NALF1: variants seen among roughly 807,000 people sequenced by gnomAD.
NALF1 encodes the protein NALCN channel auxiliary factor 1.
In NALF1, 3 loss-of-function variants were observed where a neutral mutation model predicts 48.4. That is an observed-to-expected ratio of 0.06 (90% CI 0.03 to 0.16). The LOEUF (loss-of-function observed/expected upper bound fraction) is 0.16. NALF1 is among the 10% of genes least tolerant of loss of function. NALF1 has a pLI of 1.00. For missense variants in NALF1, 526 were observed against 571.5 expected, an observed-to-expected ratio of 0.92 and a Z score of 0.81; for synonymous variants, 262 against 245.7, an observed-to-expected ratio of 1.07 and a Z score of -0.62.
intron 1 of NALF1, among the ~76,000 whole-genome samples, chr13:107,765,943 C>T (rs1379138705): frequency 6.6e-6 from 1 of 152,056 alleles, no homozygotes; most frequent in East Asian, 1.9e-4. Flanking sequence ...TTTTAAATTC[C>T]TCTTTATCTA....
chr13:107,563,469 AG>A (rs1877704109), intron 1 of NALF1, among the ~76,000 whole-genome samples: 1 of 152,236 alleles, frequency 6.6e-6, no homozygotes, highest in African/African-American at 2.4e-5. Flanking sequence ...CGTGTTTTTC[AG>A]GTGATTTGAG....
At chr13:107,775,087 G>A (rs143133795) in intron 1 of NALF1, among the ~76,000 whole-genome samples, 1,759 of 152,092 alleles carry the variant, frequency 0.012, 40 homozygotes, top group African/African-American at 0.04. Context: ...TAAGTTTTAG[G>A]GTACATGTGC....
intron 1 of NALF1, among the ~76,000 whole-genome samples, chr13:107,622,527 A>G (rs1459743570): frequency 6.6e-6 from 1 of 152,038 alleles, no homozygotes; most frequent in Non-Finnish European, 1.5e-5. Flanking sequence ...ACTCTGTTCC[A>G]TTGATAATCT....
At chr13:107,196,803 A>AT (rs928233290) in intron 2 of NALF1, among the ~76,000 whole-genome samples, 9 of 152,116 alleles carry the variant, frequency 5.9e-5, no homozygotes, top group Non-Finnish European at 1.2e-4. Flanking sequence ...TGTATTCAGG[A>AT]TTTTTGTTAA....
At chr13:107,548,238 C>T (rs1877186708) in intron 1 of NALF1, among the ~76,000 whole-genome samples, 1 of 152,002 alleles carries the variant, frequency 6.6e-6, no homozygotes. Context: ...TTTTTTCTTC[C>T]TGTGTTAGTT....
intron 1 of NALF1, among the ~76,000 whole-genome samples, chr13:107,239,859 A>G (rs543052517): frequency 1.6e-4 from 24 of 152,318 alleles, no homozygotes; most frequent in South Asian, 2.1e-4. Context: ...AGCCTTTGGG[A>G]AACAAGCACT....
intron 1 of NALF1, among the ~76,000 whole-genome samples, chr13:107,279,206 G>A (rs1881341023): frequency 6.6e-6 from 1 of 151,952 alleles, no homozygotes; most frequent in Non-Finnish European, 1.5e-5. Flanking sequence ...CCTGGACATG[G>A]AGGAAGAAAT....
At chr13:107,784,249 T>C (rs1378531547) in intron 1 of NALF1, among the ~76,000 whole-genome samples, 1 of 152,198 alleles carries the variant, frequency 6.6e-6, no homozygotes, top group Non-Finnish European at 1.5e-5. Context: ...GTAGAAATTG[T>C]GTTTTTAAAC....
chr13:107,808,395 A>G (rs1292493636), intron 1 of NALF1, among the ~76,000 whole-genome samples: 1 of 152,012 alleles, frequency 6.6e-6, no homozygotes, highest in Admixed American at 6.6e-5. Context: ...GAGAATATAA[A>G]TTTCACTTAG....
At chr13:107,523,605 C>T (rs1876324977) in intron 1 of NALF1, among the ~76,000 whole-genome samples, 1 of 145,506 alleles carries the variant, frequency 6.9e-6, no homozygotes, top group African/African-American at 2.5e-5. Flanking sequence ...GTTGTCAAGT[C>T]TAGTCAATGA....
At chr13:107,730,161 GA>G (rs569597766) in intron 1 of NALF1, among the ~76,000 whole-genome samples, 68 of 152,260 alleles carry the variant, frequency 4.5e-4, no homozygotes, top group African/African-American at 1.5e-3. Flanking sequence ...TCTAAATACA[GA>G]ACTACTGTCG....
intron 1 of NALF1, among the ~76,000 whole-genome samples, chr13:107,217,679 T>G (rs535743401): frequency 6.6e-6 from 1 of 152,238 alleles, no homozygotes; most frequent in East Asian, 1.9e-4. Flanking sequence ...TCCGGGTGCC[T>G]CTTCCACGCT....
chr13:107,463,798 G>A lies in NALF1; in HGVS notation c.916-253043C>T, dbSNP rs375549748. ...TAGCAAGGAAAAACAAGAGGAAAAG[G>A]CATTCCAAAAAAGCAGATACCATTG... is the stretch of plus-strand genomic sequence containing the variant. On this transcript the variant is annotated intron_variant, in intron 1 of 2. Transcript: ENST00000375915. Among the ~76,000 whole-genome samples, 5 of 152,098 alleles carry A rather than the reference G, an allele frequency of 3.3e-5. No homozygotes were observed. The East Asian group carries it at 9.6e-4, about 29-fold the overall frequency.
chr13:107,440,686 T>A (rs1235438632), intron 1 of NALF1, among the ~76,000 whole-genome samples: 1 of 152,150 alleles, frequency 6.6e-6, no homozygotes, highest in Non-Finnish European at 1.5e-5. Context: ...TTATTCTTAT[T>A]TGAGAGGATG....
chr13:107,589,585 G>T (rs1791064177), intron 1 of NALF1, among the ~76,000 whole-genome samples: 1 of 151,614 alleles, frequency 6.6e-6, no homozygotes, highest in African/African-American at 2.4e-5. Flanking sequence ...AAGAATAGCT[G>T]GTATTTGCAA....
intron 1 of NALF1, among the ~76,000 whole-genome samples, chr13:107,715,833 A>G (rs1199932406): frequency 6.6e-6 from 1 of 152,282 alleles, no homozygotes; most frequent in East Asian, 1.9e-4. Flanking sequence ...TTTTTTTGAA[A>G]TGTTTTTAAA....
intron 2 of NALF1, among the ~76,000 whole-genome samples, chr13:107,191,888 G>T (rs1406705897): frequency 7.2e-6 from 1 of 138,214 alleles, no homozygotes; most frequent in African/African-American, 2.8e-5. Context: ...CACCATATTG[G>T]CCAGGCTGGT....
At chr13:107,415,321 TATGTCCACCTCAAA>T (rs1050413088) in intron 1 of NALF1, among the ~76,000 whole-genome samples, 11 of 152,122 alleles carry the variant, frequency 7.2e-5, no homozygotes, top group African/African-American at 2.7e-4. Context: ...TACTGGATTT[TATGTCCACCTCAAA>T]ATGCTCAGCA....
At chr13:107,799,951 A>C (rs2138595348) in intron 1 of NALF1, among the ~76,000 whole-genome samples, 1 of 152,318 alleles carries the variant, frequency 6.6e-6, no homozygotes, top group South Asian at 2.1e-4. Context: ...GGATTGAAGA[A>C]AGCTGGAAAA....
Sources: gnomAD v4.1 joint callset for allele counts (sites outside exome capture counted in the v4.1 genomes callset) on GRCh38, gnomAD v4.1.1 for gene constraint, MANE v1.5 for transcripts, NCBI Gene and HGNC (gene_info 2026-07-23, HGNC 2026-07-21) for gene names.